The following SGCZ variants were observed in gnomAD, a reference collection of about 807,000 sequenced individuals.
SGCZ encodes the protein sarcoglycan zeta.
SGCZ carries 40 observed loss-of-function variants against 41.3 expected under a neutral mutation model. That is an observed-to-expected ratio of 0.97 (90% confidence interval 0.75 to 1.26). SGCZ has a LOEUF of 1.26. Among genes scored for constraint, SGCZ ranks in the 50% most tolerant of loss-of-function variants. The probability of loss-of-function intolerance (pLI) is 0.00; values close to 1 mark genes in which losing one functional copy is unlikely to be tolerated. For missense variants in SGCZ, 552 were observed against 369.8 expected (o/e 1.49, Z -4.04); for synonymous variants, 206 against 137.5 (o/e 1.50, Z -3.49).
chr8:14,730,986 A>C (rs1254143852), intron 1 of SGCZ, among the ~76,000 whole-genome samples: 1 of 151,726 alleles, frequency 6.6e-6, no homozygotes, highest in Non-Finnish European at 1.5e-5. Context: ...GCTATTCCTC[A>C]AGAATCTAGA....
intron 1 of SGCZ, among the ~76,000 whole-genome samples, chr8:14,667,199 G>C (rs1157629102): frequency 6.6e-6 from 1 of 152,132 alleles, no homozygotes; most frequent in Admixed American, 6.5e-5. Context: ...TAATGTAAAA[G>C]TTTTGGAGAG....
At chr8:14,458,533 A>T (rs1163579366) in intron 2 of SGCZ, among the ~76,000 whole-genome samples, 1 of 152,198 alleles carries the variant, frequency 6.6e-6, no homozygotes, top group African/African-American at 2.4e-5. Flanking sequence ...GAAAGTCAAA[A>T]GAAACACCAT....
intron 2 of SGCZ, among the ~76,000 whole-genome samples, chr8:14,498,549 T>C (rs943721159): frequency 2.0e-5 from 3 of 152,116 alleles, no homozygotes; most frequent in Admixed American, 6.6e-5. Context: ...TACTTAGATA[T>C]TTACCTTTCT....
intron 2 of SGCZ, among the ~76,000 whole-genome samples, chr8:14,525,455 G>C (rs1052989530): frequency 6.6e-6 from 1 of 151,760 alleles, no homozygotes; most frequent in East Asian, 1.9e-4. Flanking sequence ...TTCATCTTTC[G>C]GTGACACTTT....
chr8:14,672,083 A>T (rs1479239655), intron 1 of SGCZ, among the ~76,000 whole-genome samples: 1 of 152,162 alleles, frequency 6.6e-6, no homozygotes, highest in Non-Finnish European at 1.5e-5. Flanking sequence ...TAGGAAATAG[A>T]GGAAGAGTAC....
At position 14,242,657 on chromosome 8, in the gene SGCZ, C is replaced by T. The variant is rs1798932778; in HGVS notation, c.337-4978G>A. On this transcript the variant is annotated intron_variant, in intron 3 of 7. Coordinates refer to ENST00000382080, the MANE Select transcript of SGCZ (RefSeq NM_139167.4). ...TCCTCAATTTAACTATAGTATTTTA[C>T]TACTAATAATACTGGATACCATCAC... Among the ~76,000 whole-genome samples the T allele has an allele frequency of 1.3e-5, 2 of 152,092 alleles. 1 individual carries two copies. The highest frequency in any genetic ancestry group is 4.1e-4 in the South Asian group (2 of 4,836).
At chr8:14,554,358 T>C (rs1161641796) in intron 2 of SGCZ, among the ~76,000 whole-genome samples, 1 of 152,062 alleles carries the variant, frequency 6.6e-6, no homozygotes, top group African/African-American at 2.4e-5. Context: ...CACATATGAT[T>C]TATAAAAGTA....
intron 1 of SGCZ, among the ~76,000 whole-genome samples, chr8:14,956,531 A>G (rs1414196818): frequency 6.6e-6 from 1 of 152,164 alleles, no homozygotes; most frequent in Non-Finnish European, 1.5e-5. Flanking sequence ...TAGTTTTCAT[A>G]TTTCATGCAC....
At chr8:15,143,646 G>A (rs375356484) in intron 1 of SGCZ, among the ~76,000 whole-genome samples, 11 of 152,278 alleles carry the variant, frequency 7.2e-5, no homozygotes, top group Middle Eastern at 3.4e-3. Flanking sequence ...CACTATGTCT[G>A]ACACTAGGAG....
chr8:14,337,473 AT>A (rs1802545311), intron 2 of SGCZ, among the ~76,000 whole-genome samples: 1 of 152,120 alleles, frequency 6.6e-6, no homozygotes, highest in East Asian at 1.9e-4. Context: ...GGGATAAAGA[AT>A]TTTACTATTG....
intron 1 of SGCZ, among the ~76,000 whole-genome samples, chr8:15,152,430 G>A (rs1799204316): frequency 6.6e-6 from 1 of 152,194 alleles, no homozygotes; most frequent in Admixed American, 6.5e-5. Flanking sequence ...ATAACCTGGA[G>A]AAACAAGGTG....
intron 5 of SGCZ, among the ~76,000 whole-genome samples, chr8:14,123,273 C>G (rs1183381165): frequency 6.6e-6 from 1 of 152,116 alleles, no homozygotes; most frequent in Non-Finnish European, 1.5e-5. Flanking sequence ...ACAAAGCAAA[C>G]AATCAGTAAT....
chr8:14,484,367 G>A (rs914908977), intron 2 of SGCZ, among the ~76,000 whole-genome samples: 1 of 152,140 alleles, frequency 6.6e-6, no homozygotes, highest in Non-Finnish European at 1.5e-5. Flanking sequence ...AGTGACCACA[G>A]CAAGTCATAT....
chr8:14,738,545 C>G lies in SGCZ; in HGVS notation c.40-183619G>C, dbSNP rs1015771580. On this transcript the variant is annotated intron_variant, in intron 1 of 7. Coordinates refer to ENST00000382080, the MANE Select transcript of SGCZ (RefSeq NM_139167.4). ...CTCAATAGGAGCAGTGTACCTAGCT[C>G]GTAAAATTTCCTCTGCAGTTACCAT... Among the ~76,000 whole-genome samples the G allele has an allele frequency of 1.3e-5, 2 of 152,202 alleles. 1 individual carries two copies. Among genetic ancestry groups the G allele is most frequent in the Admixed American group, 1.3e-4 (2 of 15,254 alleles).
chr8:14,246,690 G>A (rs1229522805), intron 3 of SGCZ, among the ~76,000 whole-genome samples: 4 of 151,548 alleles, frequency 2.6e-5, no homozygotes, highest in South Asian at 2.1e-4. Flanking sequence ...GGCAGATCAC[G>A]GGGTCAGGAG....
At chr8:14,975,437 C>T (rs762759695) in intron 1 of SGCZ, among the ~76,000 whole-genome samples, 2 of 152,126 alleles carry the variant, frequency 1.3e-5, no homozygotes, top group Non-Finnish European at 2.9e-5. Context: ...GTGTAAATAA[C>T]ATTCACAGAC....
At chr8:14,230,804 G>A (rs1014343141) in intron 4 of SGCZ, among the ~76,000 whole-genome samples, 1 of 149,924 alleles carries the variant, frequency 6.7e-6, no homozygotes, top group Non-Finnish European at 1.5e-5. Context: ...AATAATCAAA[G>A]TGCCTTTCTA....
intron 2 of SGCZ, among the ~76,000 whole-genome samples, chr8:14,468,796 A>T (rs1161289786): frequency 1.3e-5 from 2 of 152,132 alleles, no homozygotes; most frequent in Non-Finnish European, 2.9e-5. Context: ...TTCAAAGTAC[A>T]TTGAAATATA....
chr8:15,076,753 C>CTTTTTTTTTTTTTTT (rs566416257), intron 1 of SGCZ, among the ~76,000 whole-genome samples: 2 of 143,742 alleles, frequency 1.4e-5, no homozygotes, highest in Non-Finnish European at 3.0e-5. Context: ...AAGTCTCTCT[C>CTTTTTTTTTTTTTTT]ATTTTTTTTT....
Sources: gnomAD v4.1 joint callset for allele counts (sites outside exome capture counted in the v4.1 genomes callset) on GRCh38, gnomAD v4.1.1 for gene constraint, MANE v1.5 for transcripts, NCBI Gene and HGNC (gene_info 2026-07-23, HGNC 2026-07-21) for gene names.